Variants in MACROD2 observed in about 807,000 individuals in gnomAD.
The protein encoded by MACROD2 is mono-ADP ribosylhydrolase 2.
MACROD2 carries 36 observed loss-of-function variants against 70.4 expected under a neutral mutation model. The observed-to-expected ratio is 0.51, with a 90% CI of 0.39 to 0.68. MACROD2 has a LOEUF of 0.68. MACROD2 is among the 30% of genes least tolerant of loss of function. MACROD2 has a pLI of 0.00. For synonymous variants in MACROD2, 172 were observed against 178.8 expected (o/e 0.96, Z 0.30); for missense variants, 496 against 538.4 (o/e 0.92, Z 0.78).
intron 8 of MACROD2, among the ~76,000 whole-genome samples, chr20:15,651,479 C>T (rs1234744323): frequency 2.0e-5 from 3 of 152,124 alleles, no homozygotes; most frequent in African/African-American, 7.2e-5. Context: ...ACACCAGGGT[C>T]GTTGGCAAAA....
chr20:15,128,541 C>T (rs1205014336), intron 5 of MACROD2, among the ~76,000 whole-genome samples: 1 of 151,960 alleles, frequency 6.6e-6, no homozygotes, highest in Non-Finnish European at 1.5e-5. Flanking sequence ...TTTTAATACT[C>T]TGAGGTAGGA....
At chr20:14,325,853 C>A (rs546681165) in intron 3 of MACROD2, 1 of 1,613,918 alleles carries the variant, frequency 6.2e-7, no homozygotes, top group African/African-American at 1.3e-5. Flanking sequence ...TTCCTATGAA[C>A]ATACCAACAC....
chr20:14,639,216 G>A (rs1281853047), intron 4 of MACROD2, among the ~76,000 whole-genome samples: 2 of 152,036 alleles, frequency 1.3e-5, no homozygotes, highest in Non-Finnish European at 2.9e-5. Flanking sequence ...GTAGTCTAAG[G>A]TAACCCTCTC....
At chr20:15,898,217 C>G (rs2065003668) in intron 10 of MACROD2, among the ~76,000 whole-genome samples, 1 of 152,128 alleles carries the variant, frequency 6.6e-6, no homozygotes, top group African/African-American at 2.4e-5. Flanking sequence ...TCATTCAAAT[C>G]CAAGCTCTAG....
chr20:14,318,057 T>C (rs1173801318), intron 3 of MACROD2, among the ~76,000 whole-genome samples: 2 of 152,198 alleles, frequency 1.3e-5, no homozygotes, highest in South Asian at 4.1e-4. Flanking sequence ...GGTATATTCA[T>C]TAACATTGAT....
intron 5 of MACROD2, among the ~76,000 whole-genome samples, chr20:14,748,054 T>G (rs1293243998): frequency 6.6e-6 from 1 of 152,136 alleles, no homozygotes; most frequent in African/African-American, 2.4e-5. Context: ...AATGAGCTTT[T>G]GTACCAGATG....
chr20:15,966,107 C>T (rs1226903780), intron 12 of MACROD2, among the ~76,000 whole-genome samples: 1 of 151,962 alleles, frequency 6.6e-6, no homozygotes, highest in Non-Finnish European at 1.5e-5. Context: ...AAAGCTATCT[C>T]CTAATTTTGA....
At chr20:15,788,514 T>G (rs2051969569) in intron 8 of MACROD2, among the ~76,000 whole-genome samples, 1 of 152,180 alleles carries the variant, frequency 6.6e-6, no homozygotes, top group South Asian at 2.1e-4. Context: ...ATTTGTGTAA[T>G]TTTGATGTTA....
intron 6 of MACROD2, among the ~76,000 whole-genome samples, chr20:15,349,897 G>T (rs1169338039): frequency 6.6e-6 from 1 of 152,080 alleles, no homozygotes; most frequent in Non-Finnish European, 1.5e-5. Context: ...CCTCATCTTG[G>T]CTGGAGCGAG....
At chr20:15,237,222 A>G (rs1426092719) in intron 6 of MACROD2, among the ~76,000 whole-genome samples, 1 of 152,198 alleles carries the variant, frequency 6.6e-6, no homozygotes, top group Non-Finnish European at 1.5e-5. Flanking sequence ...GACTATCATG[A>G]AAATTAAAGG....
chr20:15,904,668 A>G (rs2065116786), intron 10 of MACROD2, among the ~76,000 whole-genome samples: 2 of 151,896 alleles, frequency 1.3e-5, no homozygotes, highest in African/African-American at 4.8e-5. Context: ...CGAGGTGGCC[A>G]GATCACGAGG....
At chr20:15,222,509 G>C (rs2076870760) in intron 5 of MACROD2, among the ~76,000 whole-genome samples, 1 of 152,100 alleles carries the variant, frequency 6.6e-6, no homozygotes, top group Admixed American at 6.6e-5. Flanking sequence ...AGTACCTTTA[G>C]TGCTCAGTTT....
At chr20:15,857,132 G>C (rs1458284877) in intron 8 of MACROD2, among the ~76,000 whole-genome samples, 1 of 152,182 alleles carries the variant, frequency 6.6e-6, no homozygotes, top group African/African-American at 2.4e-5. Context: ...TTATACAATT[G>C]TGGGAGAAAC....
chr20:14,477,406 A>T (rs574420403), intron 3 of MACROD2, among the ~76,000 whole-genome samples: 1 of 152,278 alleles, frequency 6.6e-6, no homozygotes, highest in African/African-American at 2.4e-5. Context: ...GTAAGAGGTA[A>T]ACTATTACTA....
chr20:16,011,345 G>A (rs1164873299), intron 15 of MACROD2, among the ~76,000 whole-genome samples: 2 of 152,216 alleles, frequency 1.3e-5, no homozygotes, highest in Admixed American at 6.5e-5. Flanking sequence ...TAACCACACC[G>A]TTTGGCTGAA....
intron 3 of MACROD2, among the ~76,000 whole-genome samples, chr20:14,183,744 A>C (rs2081323469): frequency 6.6e-6 from 1 of 152,192 alleles, no homozygotes; most frequent in African/African-American, 2.4e-5. Context: ...CTGGTGTGGT[A>C]TAGTATCTCA....
intron 5 of MACROD2, among the ~76,000 whole-genome samples, chr20:14,722,049 C>G (rs1320465058): frequency 6.6e-6 from 1 of 152,192 alleles, no homozygotes; most frequent in East Asian, 1.9e-4. Flanking sequence ...CCATAACAAA[C>G]AACCACAAAA....
At chr20:14,926,207 T>C (rs187127348) in intron 5 of MACROD2, among the ~76,000 whole-genome samples, 7 of 152,220 alleles carry the variant, frequency 4.6e-5, no homozygotes, top group Admixed American at 2.6e-4. Context: ...TAGGGCATTA[T>C]TTAAACATTT....
chr20:14,864,077 T>C (rs540312605), intron 5 of MACROD2, among the ~76,000 whole-genome samples: 3 of 152,118 alleles, frequency 2.0e-5, no homozygotes, highest in Non-Finnish European at 4.4e-5. Flanking sequence ...AGGTGTCCAT[T>C]TTCTAAAATG....
Sources: allele counts gnomAD v4.1 joint callset (sites outside exome capture counted in the v4.1 genomes callset), GRCh38; gene constraint gnomAD v4.1.1; transcripts MANE v1.5; gene names NCBI Gene and HGNC (gene_info 2026-07-23, HGNC 2026-07-21).